Variants in DDO observed in about 807,000 individuals in gnomAD.
DDO encodes D-aspartate oxidase.
DDO carries 16 observed loss-of-function variants against 16.8 expected under a neutral mutation model. The observed-to-expected ratio is 0.95, with a 90% CI of 0.65 to 1.45. DDO has a LOEUF of 1.45. DDO is among the 40% of genes most tolerant of loss of function. The pLI is 0.00. For synonymous variants in DDO, 180 were observed against 167.2 expected (o/e 1.08, Z -0.59); for missense variants, 429 against 420.3 (o/e 1.02, Z -0.18).
At chr6:110,413,670 G>A (rs913797230) in intron 1 of DDO, among the ~76,000 whole-genome samples, 1 of 152,134 alleles carries the variant, frequency 6.6e-6, no homozygotes, top group Non-Finnish European at 1.5e-5. Flanking sequence ...AGATCTCCAT[G>A]GGCTTTTAGA....
At chr6:110,391,413 G>A (rs1197450920), downstream of DDO, among the ~76,000 whole-genome samples, 1 of 145,942 alleles carries the variant, frequency 6.9e-6, no homozygotes, top group Non-Finnish European at 1.5e-5. Flanking sequence ...GTAATGGTGC[G>A]ATCTCAGCTC....
Position 110,393,244 on chromosome 6 carries a change from C to T in DDO, c.557G>A (p.Gly186Glu), listed in dbSNP as rs1296332839. The T allele has an allele frequency of 1.9e-6, 3 of 1,614,210 alleles. No individual in the cohort carries two copies. The highest frequency in any genetic ancestry group is 2.2e-5 in the East Asian group (1 of 44,882). ...TGAGTCTCCTGCAAGCTGTCTGCTT[C>T]CAAGGCCTGAACAGTTGACCACGAT... ...FDIVVNCSGLGSRQLAGDSKI... is the reference protein window; with the variant it reads ...FDIVVNCSGLESRQLAGDSKI... Residue 186 changes from glycine to glutamate, a missense_variant, in exon 5 of 5, where the codon GGA becomes GAA. Physicochemically the swap from Gly to Glu is moderately conservative, Grantham distance 98. Transcript: ENST00000368924.
At chr6:110,399,518 C>T (rs1773402315) in intron 4 of DDO, among the ~76,000 whole-genome samples, 1 of 152,188 alleles carries the variant, frequency 6.6e-6, no homozygotes, top group Non-Finnish European at 1.5e-5. Flanking sequence ...CAGGTGTCGC[C>T]CCCTCACCGG....
chr6:110,406,080 C>T (rs867902586), intron 3 of DDO, among the ~76,000 whole-genome samples: 13 of 152,144 alleles, frequency 8.5e-5, no homozygotes, highest in Admixed American at 5.2e-4. Context: ...CCCACTCTTG[C>T]GCTGGGCTAG....
At chr6:110,404,055 G>A (rs970191380) in intron 4 of DDO, among the ~76,000 whole-genome samples, 2 of 152,140 alleles carry the variant, frequency 1.3e-5, no homozygotes, top group South Asian at 4.1e-4. Context: ...TACACATATG[G>A]GAATTGAAAG....
chr6:110,406,052 T>A (rs898116819), intron 3 of DDO, among the ~76,000 whole-genome samples: 2 of 152,226 alleles, frequency 1.3e-5, no homozygotes, highest in Non-Finnish European at 2.9e-5. Flanking sequence ...TGTCCTTTAC[T>A]GCAGGGTTCT....
rs1582496574 is a variant in DDO at position 110,413,274 on chromosome 6, G to A, written c.172+17C>T. The A allele has an allele frequency of 6.2e-7, 1 of 1,612,568 alleles. No homozygotes were observed. Among genetic ancestry groups the A allele is most frequent in the African/African-American group, 1.3e-5 (1 of 75,006 alleles). ...CTGACATCTATTGTATCTGATAGAG[G>A]AGCTGAAATCTCTCACCTGGATAAG... On this transcript the variant is annotated intron_variant, in intron 2 of 4. Coordinates refer to ENST00000368924, the MANE Select transcript of DDO (RefSeq NM_001372108.2).
intron 4 of DDO, among the ~76,000 whole-genome samples, chr6:110,398,013 G>A (rs769164029): frequency 6.6e-6 from 1 of 152,142 alleles, no homozygotes; most frequent in Admixed American, 6.5e-5. Context: ...GGGGTGACAT[G>A]GTTGGAGGTA....
In DDO at chr6:110,392,729, C is replaced by A. The variant is rs990793689; in HGVS notation, c.*46G>T. On this transcript the variant is annotated 3_prime_UTR_variant, in exon 5 of 5. Transcript: ENST00000368924. ...AAAAGTTATTTGAACCTGTTCTGTG[C>A]TTTGATCAACAGTCTCTCAGTCTCT... 1 of 1,497,778 alleles carries A rather than the reference C, an allele frequency of 6.7e-7. No individual in the cohort carries two copies. The highest frequency in any genetic ancestry group is 8.9e-7 in the Non-Finnish European group (1 of 1,127,336). 92.8% of individuals were successfully genotyped at this position (1,497,778 alleles called of 1,614,324 possible).
chr6:110,412,626 A>G (rs1698108264), intron 2 of DDO, among the ~76,000 whole-genome samples: 1 of 152,238 alleles, frequency 6.6e-6, no homozygotes, highest in South Asian at 2.1e-4. Flanking sequence ...CGAGAACCTC[A>G]GAGGTCCCCT....
intron 4 of DDO, among the ~76,000 whole-genome samples, chr6:110,403,339 T>C (rs1054113693): frequency 1.3e-5 from 2 of 152,222 alleles, no homozygotes; most frequent in Non-Finnish European, 2.9e-5. Context: ...GCATCAATGC[T>C]TCTAATTTTG....
intron 2 of DDO, among the ~76,000 whole-genome samples, chr6:110,411,157 C>A (rs1049374868): frequency 1.3e-5 from 2 of 152,080 alleles, no homozygotes; most frequent in African/African-American, 4.8e-5. Flanking sequence ...GAAACAGGAC[C>A]CGCCCAAGAA....
At chr6:110,414,658 G>T (rs1773986082) in intron 1 of DDO, among the ~76,000 whole-genome samples, 1 of 152,244 alleles carries the variant, frequency 6.6e-6, no homozygotes, top group East Asian at 1.9e-4. Context: ...TATGGCTCAG[G>T]TTTAAACTCC....
At chr6:110,408,995 G>C (rs1773757629) in intron 2 of DDO, among the ~76,000 whole-genome samples, 1 of 152,238 alleles carries the variant, frequency 6.6e-6, no homozygotes, top group Non-Finnish European at 1.5e-5. Context: ...AACAAGGCTT[G>C]CATGCTGGAG....
chr6:110,395,889 T>C lies in DDO; in HGVS notation c.459-2547A>G, dbSNP rs562411467. On this transcript the variant is annotated intron_variant, in intron 4 of 4. Coordinates refer to ENST00000368924, the MANE Select transcript of DDO (RefSeq NM_001372108.2). Reference sequence around the variant, plus strand: ...GATTGCATTTCTAGAAAATGTCTCATGTTCATGGTGGTGCATGCCTATAAT... The same window carrying C: ...GATTGCATTTCTAGAAAATGTCTCACGTTCATGGTGGTGCATGCCTATAAT... 1.6e-4 allele frequency among the ~76,000 whole-genome samples: 25 copies of C among 152,220 alleles called. 1 individual carries two copies. Among genetic ancestry groups the C allele is most frequent in the African/African-American group, 5.8e-4 (24 of 41,528 alleles).
intron 4 of DDO, among the ~76,000 whole-genome samples, chr6:110,399,551 C>T (rs924902918): frequency 6.6e-6 from 1 of 152,134 alleles, no homozygotes; most frequent in East Asian, 1.9e-4. Flanking sequence ...CCGCCCACCC[C>T]GCCTGAAATG....
At chr6:110,398,381 C>T (rs1582474508) in intron 4 of DDO, among the ~76,000 whole-genome samples, 1 of 107,728 alleles carries the variant, frequency 9.3e-6, no homozygotes, top group Admixed American at 1.0e-4. Flanking sequence ...ATCTTAAATG[C>T]GTACACACAC....
intron 2 of DDO, among the ~76,000 whole-genome samples, chr6:110,412,495 A>G (rs1773892441): frequency 6.6e-6 from 1 of 152,182 alleles, no homozygotes; most frequent in African/African-American, 2.4e-5. Context: ...TCTTCCGGGA[A>G]CTATAGAATC....
Position 110,404,758 on chromosome 6 carries a change from G to A in DDO, c.458+16C>T. ...CTATGACAGATAAGGAAATATCAGG[G>A]AGCATTTCAACTGACCTTTTCTCCA... On this transcript the variant is annotated intron_variant, in intron 4 of 4. Coordinates refer to ENST00000368924, the MANE Select transcript of DDO (RefSeq NM_001372108.2). 1 of 1,612,742 alleles carries A rather than the reference G, an allele frequency of 6.2e-7. No individual in the cohort carries two copies.
Sources: allele counts gnomAD v4.1 joint callset (sites outside exome capture counted in the v4.1 genomes callset), GRCh38; gene constraint gnomAD v4.1.1; transcripts MANE v1.5; gene names NCBI Gene and HGNC (gene_info 2026-07-23, HGNC 2026-07-21).